TSHZ2: variants seen among roughly 807,000 people sequenced by gnomAD.
TSHZ2 encodes teashirt homolog 2.
A neutral mutation model predicts 74.4 loss-of-function variants in TSHZ2; 21 were observed. That is an observed-to-expected ratio of 0.28 (90% confidence interval 0.20 to 0.41). TSHZ2 has a LOEUF of 0.41. TSHZ2 is among the 10% of genes least tolerant of loss of function. The pLI, the probability that TSHZ2 is intolerant of heterozygous loss-of-function variation, is 1.00. For missense variants in TSHZ2, 1,244 were observed against 1,293.5 expected, an observed-to-expected ratio of 0.96 and a Z score of 0.59; for synonymous variants, 540 against 515.3, an observed-to-expected ratio of 1.05 and a Z score of -0.65.
Position 53,254,305 on chromosome 20 carries a change from T to A in TSHZ2, c.847T>A (p.Ser283Thr). 1.9e-6 allele frequency: 3 copies of A among 1,614,146 alleles called. No individual in the cohort carries two copies. Among genetic ancestry groups the A allele is most frequent in the Non-Finnish European group, 2.5e-6 (3 of 1,180,030 alleles). ...TCTGAAATGTATGTTTTGTGGCGACTCCTTTGATTCCCTCCAAGATTTGAG... is the reference window on the plus strand; with the variant it reads ...TCTGAAATGTATGTTTTGTGGCGACACCTTTGATTCCCTCCAAGATTTGAG... Reference protein sequence around the residue: ...KVLKCMFCGDSFDSLQDLSVH... With the variant: ...KVLKCMFCGDTFDSLQDLSVH... The change falls in exon 2 of 3, where the codon TCC becomes ACC. Residue 283 changes from serine to threonine, a missense_variant. By Grantham distance (58) the Ser-to-Thr change is moderately conservative. Coordinates refer to ENST00000371497, the MANE Select transcript of TSHZ2 (RefSeq NM_173485.6).
chr20:53,489,092 T>G lies in TSHZ2; in HGVS notation c.*1957T>G, dbSNP rs957556810. 4.4e-6 allele frequency: 2 copies of G among 456,126 alleles called. No homozygotes were observed. Among genetic ancestry groups the G allele is most frequent in the East Asian group, 6.9e-5 (1 of 14,410 alleles). The allele number at this position is 456,126 out of a possible 1,614,324, so 28.3% of individuals were successfully genotyped here. On this transcript the variant is annotated 3_prime_UTR_variant, in exon 3 of 3. Transcript: ENST00000371497. ...AGCTTCATTGAAGTGTCAGCACTCA[T>G]CCATCAATCAATCACCCACAAGGAA...
intron 1 of TSHZ2, among the ~76,000 whole-genome samples, chr20:53,131,819 ACCCCCC>A (rs34289663): frequency 0.29 from 27,963 of 96,030 alleles, 4,231 homozygotes; most frequent in Admixed American, 0.4. Flanking sequence ...TTGAATGACA[ACCCCCC>A]CCCCCCCCCA....
intron 1 of TSHZ2, among the ~76,000 whole-genome samples, chr20:53,016,139 T>C (rs1983032862): frequency 6.6e-6 from 1 of 152,178 alleles, no homozygotes; most frequent in Non-Finnish European, 1.5e-5. Flanking sequence ...GTTTATTATC[T>C]AGGTGTGCTT....
chr20:53,073,094 CTCCT>C lies in TSHZ2; in HGVS notation c.40+99765_40+99768del, dbSNP rs1447285280. On this transcript the variant is annotated intron_variant, in intron 1 of 2. Transcript: ENST00000371497. Reference sequence around the variant, plus strand: ...CCTCCATTCCTTTATTCATCTATCCCTCCTTCCATCCATCCCTCCATTCATCCAT... The same window carrying C: ...CCTCCATTCCTTTATTCATCTATCCCTCCATCCATCCCTCCATTCATCCAT... Among the ~76,000 whole-genome samples the C allele has an allele frequency of 2.7e-5, 4 of 146,972 alleles. No homozygotes were observed. The Admixed American group carries it at 2.7e-4, about 10-fold the overall frequency.
At chr20:53,122,891 A>G (rs1192130669) in intron 1 of TSHZ2, among the ~76,000 whole-genome samples, 1 of 152,088 alleles carries the variant, frequency 6.6e-6, no homozygotes, top group Non-Finnish European at 1.5e-5. Flanking sequence ...GATTAAATAC[A>G]TTTTCTTTTA....
At chr20:53,467,967 G>C (rs1985611391) in intron 2 of TSHZ2, among the ~76,000 whole-genome samples, 1 of 151,814 alleles carries the variant, frequency 6.6e-6, no homozygotes, top group African/African-American at 2.4e-5. Flanking sequence ...TCCCGTGATA[G>C]AACCAAATAT....
chr20:53,252,825 GATT>G (rs1360573806), intron 1 of TSHZ2, among the ~76,000 whole-genome samples: 4 of 152,050 alleles, frequency 2.6e-5, no homozygotes, highest in Non-Finnish European at 4.4e-5. Context: ...CACCATTTGC[GATT>G]ATTTTCAAGT....
At chr20:53,271,738 G>T (rs917869468) in intron 2 of TSHZ2, among the ~76,000 whole-genome samples, 1 of 152,238 alleles carries the variant, frequency 6.6e-6, no homozygotes, top group African/African-American at 2.4e-5. Flanking sequence ...GTAAAGTCTT[G>T]TTAAGTGAGA....
At chr20:53,312,891 T>A (rs921254973) in intron 2 of TSHZ2, among the ~76,000 whole-genome samples, 5 of 152,212 alleles carry the variant, frequency 3.3e-5, no homozygotes, top group African/African-American at 1.2e-4. Context: ...TAGGAGGAGA[T>A]AAGATTTTTA....
intron 2 of TSHZ2, among the ~76,000 whole-genome samples, chr20:53,283,599 G>T (rs746240561): frequency 6.6e-6 from 1 of 152,168 alleles, no homozygotes; most frequent in East Asian, 1.9e-4. Flanking sequence ...AAATAAAATA[G>T]TAAGAAGAAT....
chr20:53,394,443 A>G (rs1422770244), intron 2 of TSHZ2, among the ~76,000 whole-genome samples: 4 of 152,106 alleles, frequency 2.6e-5, no homozygotes, highest in Non-Finnish European at 4.4e-5. Flanking sequence ...TACAGTTACA[A>G]CTCTCCTTGC....
chr20:53,269,243 A>G (rs1990779306), intron 2 of TSHZ2, among the ~76,000 whole-genome samples: 1 of 150,992 alleles, frequency 6.6e-6, no homozygotes, highest in African/African-American at 2.4e-5. Context: ...AAAGAAAAAA[A>G]CCCTTTCATT....
intron 2 of TSHZ2, among the ~76,000 whole-genome samples, chr20:53,324,284 G>A (rs1979404875): frequency 6.6e-6 from 1 of 152,184 alleles, no homozygotes; most frequent in Non-Finnish European, 1.5e-5. Context: ...AGCACTCATG[G>A]TCCAACAGCA....
intron 2 of TSHZ2, among the ~76,000 whole-genome samples, chr20:53,388,561 ACTTT>A (rs1982134456): frequency 6.7e-6 from 1 of 149,552 alleles, no homozygotes; most frequent in South Asian, 2.1e-4. Context: ...CACCTCTTTA[ACTTT>A]CTTCTTCTAC....
chr20:53,488,702 C>T lies in TSHZ2; in HGVS notation c.*1567C>T. The stretch of plus-strand genomic sequence containing the variant: ...TATTTTCTGTTGTTGCTTTAATTAC[C>T]AAGGTTATTTTTTTTTAATCTCAAC... On this transcript the variant is annotated 3_prime_UTR_variant, in exon 3 of 3. Transcript: ENST00000371497. 2.2e-5 allele frequency: 6 copies of T among 270,352 alleles called. No individual in the cohort carries two copies. The highest frequency in any genetic ancestry group is 1.0e-4 in the East Asian group (1 of 10,000). The allele number at this position is 270,352 out of a possible 1,614,324, so 16.7% of individuals were successfully genotyped here.
At chr20:53,275,001 C>A (rs1990914793) in intron 2 of TSHZ2, among the ~76,000 whole-genome samples, 1 of 152,126 alleles carries the variant, frequency 6.6e-6, no homozygotes, top group Non-Finnish European at 1.5e-5. Context: ...GGAGCTCAAG[C>A]ATTGATTTTT....
intron 2 of TSHZ2, among the ~76,000 whole-genome samples, chr20:53,424,297 C>T (rs1390769321): frequency 6.6e-6 from 1 of 152,230 alleles, no homozygotes; most frequent in African/African-American, 2.4e-5. Flanking sequence ...TCCCAGCACT[C>T]GCTCCTCTTT....
At chr20:53,451,840 G>A (rs1984797518) in intron 2 of TSHZ2, among the ~76,000 whole-genome samples, 1 of 152,168 alleles carries the variant, frequency 6.6e-6, no homozygotes, top group Non-Finnish European at 1.5e-5. Flanking sequence ...TCACCACTTA[G>A]TACAGTAGGA....
intron 1 of TSHZ2, among the ~76,000 whole-genome samples, chr20:53,133,969 G>GAAAAAAA (rs3070080): frequency 1.7e-4 from 22 of 127,924 alleles, no homozygotes; most frequent in African/African-American, 3.3e-4. Context: ...CATTTTTTCT[G>GAAAAAAA]AAAAAAAAAA....
Sources: allele counts gnomAD v4.1 joint callset (sites outside exome capture counted in the v4.1 genomes callset), GRCh38; gene constraint gnomAD v4.1.1; transcripts MANE v1.5; gene names NCBI Gene and HGNC (gene_info 2026-07-23, HGNC 2026-07-21).